Variants in AGO1 observed in about 807,000 individuals in gnomAD.
AGO1 encodes the protein protein argonaute-1.
In AGO1, 11 loss-of-function variants were observed where a neutral mutation model predicts 109.2. The ratio of observed to expected loss-of-function variants is 0.10; its 90% CI spans 0.06 to 0.17. The LOEUF (loss-of-function observed/expected upper bound fraction) is 0.17. Ranked by LOEUF, AGO1 falls within the 10% of genes least tolerant of loss-of-function variation. The pLI, the probability that AGO1 is intolerant of heterozygous loss-of-function variation, is 1.00. For synonymous variants in AGO1, 422 were observed against 418.6 expected (o/e 1.01, Z -0.10); for missense variants, 574 against 1,140.3 (o/e 0.50, Z 7.15).
intron 1 of AGO1, among the ~76,000 whole-genome samples, chr1:35,884,078 C>T (rs1645078281): frequency 6.6e-6 from 1 of 151,910 alleles, no homozygotes; most frequent in Non-Finnish European, 1.5e-5. Flanking sequence ...CGAATACCCC[C>T]ACCTCTCCAC....
chr1:35,888,707 C>T lies in AGO1; in HGVS notation c.209+97C>T. On this transcript the variant is annotated intron_variant, in intron 2 of 18. Transcript: ENST00000373204. This position sits in a 1 kb window ranked among gnomAD's most constrained non-coding sequence, Gnocchi z 4.1. Reference sequence around the variant, plus strand: ...GAAAAACCAGTAGAGGGTAGTATCACCAAATCTAAGGAAGTTTTTGAACGG... The same window carrying T: ...GAAAAACCAGTAGAGGGTAGTATCATCAAATCTAAGGAAGTTTTTGAACGG... The T allele has an allele frequency of 7.3e-7, 1 of 1,379,306 alleles. No homozygotes were observed. Among genetic ancestry groups the T allele is most frequent in the Non-Finnish European group, 9.8e-7 (1 of 1,022,660 alleles). The allele number at this position is 1,379,306 out of a possible 1,614,324, so 85.4% of individuals were successfully genotyped here.
chr1:35,899,688 A>G (rs368448418), intron 8 of AGO1, among the ~76,000 whole-genome samples: 1 of 152,244 alleles, frequency 6.6e-6, no homozygotes, highest in African/African-American at 2.4e-5. Flanking sequence ...GTTTGAAGGC[A>G]GGTGACCTTG....
At chr1:35,887,626 C>T (rs2148708341) in intron 1 of AGO1, among the ~76,000 whole-genome samples, 1 of 152,262 alleles carries the variant, frequency 6.6e-6, no homozygotes, top group East Asian at 1.9e-4. Flanking sequence ...GCCACCTCTT[C>T]TTCCCAAACC....
chr1:35,893,205 A>G lies in AGO1; in HGVS notation c.439A>G (p.Ser147Gly). ...SWRMLHEALV[S>G]GQIPVPLESV... ...GCGAATGCTGCATGAGGCCCTGGTC[A>G]GCGGCCAGATCCCTGTTCCCTTGGA... The change falls in exon 4 of 19, where the codon AGC becomes GGC. Residue 147 changes from serine to glycine, a missense_variant. Ser to Gly is a moderately conservative substitution (Grantham distance 56). Transcript: ENST00000373204. The surrounding 1 kb of genome is among the most constrained non-coding windows in gnomAD (Gnocchi z 5.6). 1 of 1,614,156 alleles carries G rather than the reference A, an allele frequency of 6.2e-7. No homozygotes were observed. Among genetic ancestry groups the G allele is most frequent in the Non-Finnish European group, 8.5e-7 (1 of 1,180,020 alleles).
chr1:35,883,306 G>A lies in AGO1; in HGVS notation c.-116G>A. 6.7e-7 allele frequency: 1 copy of A among 1,482,614 alleles called. No homozygotes were observed. The highest frequency in any genetic ancestry group is 1.3e-5 in the South Asian group (1 of 75,882). 91.8% of individuals were successfully genotyped at this position (1,482,614 alleles called of 1,614,324 possible). On this transcript the variant is annotated 5_prime_UTR_variant, in exon 1 of 19. Coordinates refer to ENST00000373204, the MANE Select transcript of AGO1 (RefSeq NM_012199.5). This position sits in a 1 kb window ranked among gnomAD's most constrained non-coding sequence, Gnocchi z 5.4. Reference sequence around the variant, plus strand: ...GGCGGCGGCGCGAGCGGCCGGGCTTGGTAGGGGAGCCGAGCCCGGCCCGGG... The same window carrying A: ...GGCGGCGGCGCGAGCGGCCGGGCTTAGTAGGGGAGCCGAGCCCGGCCCGGG...
At chr1:35,899,743 G>A (rs1645382011) in intron 8 of AGO1, among the ~76,000 whole-genome samples, 2 of 152,198 alleles carry the variant, frequency 1.3e-5, no homozygotes, top group South Asian at 4.1e-4. Context: ...CTGGGAATTA[G>A]GACGAGAACT....
Position 35,929,861 on chromosome 1 carries a change from T to C in AGO1, c.*10254T>C, listed in dbSNP as rs1300800227. 1.3e-5 allele frequency: 2 copies of C among 152,180 alleles called. No homozygotes were observed. The highest frequency in any genetic ancestry group is 2.9e-5 in the Non-Finnish European group (2 of 68,040). The allele number at this position is 152,180 out of a possible 1,614,324, so 9.4% of individuals were successfully genotyped here. A position where few individuals can be genotyped will look rare whatever the true frequency, so the allele number is the denominator to read the frequency against. On this transcript the variant is annotated 3_prime_UTR_variant, in exon 19 of 19. Transcript: ENST00000373204. ...ATGTATATTACCTAACCTTACAAAC[T>C]GTGTAAGGTACATGCTGTTCTCTCA...
Position 35,902,289 on chromosome 1 carries a change from C to G in AGO1, c.1349C>G (p.Ala450Gly). Residue 450 changes from alanine to glycine, a missense_variant, in exon 11 of 19, where the codon GCC becomes GGC. Ala to Gly is a moderately conservative substitution (Grantham distance 60, BLOSUM62 0). This residue lies in a region of AGO1 where 106 missense variants were observed against 147.8 expected (regional missense o/e 0.72). Transcript: ENST00000373204. ...AATGGGATTGAGATCAAAGTCTGGG[C>G]CATCGCCTGCTTCGCACCCCAAAAA... Reference protein sequence around the residue: ...FYNGIEIKVWAIACFAPQKQC... With the variant: ...FYNGIEIKVWGIACFAPQKQC... 1 of 1,614,126 alleles carries G rather than the reference C, an allele frequency of 6.2e-7. No individual in the cohort carries two copies.
In AGO1 at chr1:35,901,599, TG is replaced by T. The variant is rs954824342; in HGVS notation, c.1140+9del. 1 of 1,614,118 alleles carries T rather than the reference TG, an allele frequency of 6.2e-7. No homozygotes were observed. The highest frequency in any genetic ancestry group is 1.3e-5 in the African/African-American group (1 of 75,052). On this transcript the variant is annotated splice_region_variant and intron_variant, in intron 9 of 18. Transcript: ENST00000373204. The surrounding 1 kb of genome is among the most constrained non-coding windows in gnomAD (Gnocchi z 4.8). The stretch of plus-strand genomic sequence containing the variant: ...AGGAGGAGATCAGTCGCCTGGTCAG[TG>T]GGCCTACTCATTTGCTCAGTCATTG...
chr1:35,913,384 C>T (rs1422353157), intron 12 of AGO1, among the ~76,000 whole-genome samples: 1 of 152,214 alleles, frequency 6.6e-6, no homozygotes, highest in Non-Finnish European at 1.5e-5. Context: ...TGACCACATT[C>T]TTTCCTTACA....
chr1:35,915,548 G>C lies in AGO1; in HGVS notation c.2028+6G>C, dbSNP rs1300591369. On this transcript the variant is annotated splice_donor_region_variant and intron_variant, in intron 15 of 18. Transcript: ENST00000373204. ...CTGAAGGCCAGCTACCCCAGGTAGG[G>C]CCCACAGTAGGTGGAGAAAACCTTC... is the stretch of plus-strand genomic sequence containing the variant. The C allele has an allele frequency of 6.2e-7, 1 of 1,612,914 alleles. No individual in the cohort carries two copies. The highest frequency in any genetic ancestry group is 8.5e-7 in the Non-Finnish European group (1 of 1,179,386).
chr1:35,902,018 C>G lies in AGO1; in HGVS notation c.1211C>G (p.Thr404Arg). The change falls in exon 10 of 19, where the codon ACG becomes AGG. Residue 404 changes from threonine to arginine, a missense_variant. By Grantham distance (71) the Thr-to-Arg change is moderately conservative (BLOSUM62 -1). Around this residue, in one of 8 missense-constraint regions of AGO1, gnomAD observed 106 missense variants for 147.8 expected, o/e 0.72. Transcript: ENST00000373204. Reference sequence around the variant, plus strand: ...GGGATCAAAGTGAAGGATGACATGACGGAGGTGACAGGGCGAGTGCTGCCG... The same window carrying G: ...GGGATCAAAGTGAAGGATGACATGAGGGAGGTGACAGGGCGAGTGCTGCCG... ...EFGIKVKDDMTEVTGRVLPAP... is the reference protein window; with the variant it reads ...EFGIKVKDDMREVTGRVLPAP... The G allele has an allele frequency of 6.2e-7, 1 of 1,612,164 alleles. No individual in the cohort carries two copies.
Position 35,907,019 on chromosome 1 carries a change from G to A in AGO1, c.1482G>A (p.Gln494=), listed in dbSNP as rs368806171. Reference sequence around the variant, plus strand: ...AACCTTGTTTCTGCAAATATGCACAGGGGGCAGACAGCGTGGAGCCTATGT... The same window carrying A: ...AACCTTGTTTCTGCAAATATGCACAAGGGGCAGACAGCGTGGAGCCTATGT... The part of the protein sequence containing the change: ...QGQPCFCKYA[Q]GADSVEPMFR... Residue 494 remains glutamine, a synonymous_variant, in exon 12 of 19, where the codon CAG becomes CAA. Transcript: ENST00000373204. 200 of 1,613,990 alleles carry A rather than the reference G, an allele frequency of 1.2e-4. No homozygotes were observed. Among genetic ancestry groups the A allele is most frequent in the Non-Finnish European group, 1.6e-4 (191 of 1,180,016 alleles).
At chr1:35,894,290 C>G (rs1341695004) in intron 6 of AGO1, 25 bp from the exon 7 acceptor site, 1 of 1,613,456 alleles carries the variant, frequency 6.2e-7, no homozygotes, top group South Asian at 1.1e-5. Flanking sequence ...TATTTTAGCC[C>G]TGACAAGCAG....
chr1:35,879,403 G>A (rs1183810894), upstream of AGO1, among the ~76,000 whole-genome samples: 2 of 151,854 alleles, frequency 1.3e-5, no homozygotes, highest in Non-Finnish European at 1.5e-5. Context: ...AGCCAAGATC[G>A]TGCCATTGCA....
At position 35,906,978 on chromosome 1, in the gene AGO1, A is replaced by C; in HGVS notation, c.1441A>C (p.Met481Leu). 1 of 1,614,086 alleles carries C rather than the reference A, an allele frequency of 6.2e-7. No individual in the cohort carries two copies. The highest frequency in any genetic ancestry group is 2.2e-5 in the East Asian group (1 of 44,870). ...GCGGAAGATTTCCAAGGATGCGGGG[A>C]TGCCTATCCAGGGTCAACCTTGTTT... Reference protein sequence around the residue: ...QLRKISKDAGMPIQGQPCFCK... With the variant: ...QLRKISKDAGLPIQGQPCFCK... The change falls in exon 12 of 19, where the codon ATG becomes CTG. Residue 481 changes from methionine to leucine, a missense_variant. Coordinates refer to ENST00000373204, the MANE Select transcript of AGO1 (RefSeq NM_012199.5).
In AGO1 at chr1:35,877,748, C is replaced by T. The variant is rs958584442; in HGVS notation, c.-201+7845C>T. Among the ~76,000 whole-genome samples, 9 of 151,788 alleles carry T rather than the reference C, an allele frequency of 5.9e-5. 1 individual carries two copies. The South Asian group carries it at 1.7e-3, about 28-fold the overall frequency. On this transcript the variant is annotated intron_variant, in intron 1 of 18. Coordinates refer to the AGO1 transcript ENST00000373206. Reference sequence around the variant, plus strand: ...TTGCTTTGTCACCCAGGCTGGAGTTCAGTGGCATGATCTCGGCTCACTGCA... The same window carrying T: ...TTGCTTTGTCACCCAGGCTGGAGTTTAGTGGCATGATCTCGGCTCACTGCA...
At chr1:35,909,061 G>C (rs1645583622) in intron 12 of AGO1, among the ~76,000 whole-genome samples, 1 of 151,990 alleles carries the variant, frequency 6.6e-6, no homozygotes, top group South Asian at 2.1e-4. Context: ...CAAGTGATCT[G>C]CCCGCCTCGG....
intron 8 of AGO1, among the ~76,000 whole-genome samples, chr1:35,897,928 GCC>G (rs1645347337): frequency 6.6e-6 from 1 of 152,138 alleles, no homozygotes; most frequent in South Asian, 2.1e-4. Context: ...CTCCCCAACA[GCC>G]TGTAGTAACC....
Sources: allele counts gnomAD v4.1 joint callset (sites outside exome capture counted in the v4.1 genomes callset), GRCh38; gene constraint gnomAD v4.1.1; regional missense constraint gnomAD v4.1.1; non-coding constraint Gnocchi (gnomAD v3.1); transcripts MANE v1.5; gene names NCBI Gene and HGNC (gene_info 2026-07-23, HGNC 2026-07-21).